KCNQ5: variants seen among roughly 807,000 people sequenced by gnomAD.
KCNQ5 encodes potassium voltage-gated channel subfamily KQT member 5.
In KCNQ5, 30 loss-of-function variants were observed where a neutral mutation model predicts 98.2. The ratio of observed to expected loss-of-function variants is 0.31; its 90% CI spans 0.23 to 0.41. The LOEUF is 0.41. Ranked by LOEUF, KCNQ5 falls within the 10% of genes least tolerant of loss-of-function variation. The pLI, the probability that KCNQ5 is intolerant of heterozygous loss-of-function variation, is 1.00. For synonymous variants in KCNQ5, 458 were observed against 449.4 expected (o/e 1.02, Z -0.24); for missense variants, 835 against 1,182.5 (o/e 0.71, Z 4.31).
intron 3 of KCNQ5, among the ~76,000 whole-genome samples, chr6:73,056,729 T>C (rs1302557859): frequency 2.6e-5 from 4 of 152,154 alleles, no homozygotes. Flanking sequence ...TAAATCCTTT[T>C]TCCAGATCAG....
At position 73,191,911 on chromosome 6, in the gene KCNQ5, T is replaced by A. The variant is rs116441656; in HGVS notation, c.1710-654T>A. 6.3e-3 allele frequency among the ~76,000 whole-genome samples: 953 copies of A among 152,328 alleles called. 15 individuals carry two copies. The highest frequency in any genetic ancestry group is 0.021 in the African/African-American group (865 of 41,570). ...AAAAAAAGAAGAAAGTGATTCTCAT[T>A]TAGGCTGGTCAAGTTCTCTTGGAAA... On this transcript the variant is annotated intron_variant, in intron 12 of 13. Coordinates refer to ENST00000370398, the MANE Select transcript of KCNQ5 (RefSeq NM_019842.4).
intron 1 of KCNQ5, among the ~76,000 whole-genome samples, chr6:72,690,783 A>G (rs1768180697): frequency 2.0e-5 from 3 of 151,740 alleles, no homozygotes; most frequent in Non-Finnish European, 4.4e-5. Flanking sequence ...GTGAAACTGT[A>G]TGTGTTCTTT....
At chr6:72,746,064 C>CAAAAAAAAAAAAAAA (rs59726566) in intron 1 of KCNQ5, among the ~76,000 whole-genome samples, 6 of 80,212 alleles carry the variant, frequency 7.5e-5, no homozygotes, top group African/African-American at 2.1e-4. Context: ...ACTCTATTTG[C>CAAAAAAAAAAAAAAA]AAAAAAAAAA....
At chr6:72,685,347 TA>T (rs1345069327) in intron 1 of KCNQ5, among the ~76,000 whole-genome samples, 1 of 152,218 alleles carries the variant, frequency 6.6e-6, no homozygotes, top group African/African-American at 2.4e-5. Flanking sequence ...AGTTTTTAGT[TA>T]ACAAAACTAT....
chr6:73,155,382 A>T (rs1475119768), intron 10 of KCNQ5, among the ~76,000 whole-genome samples: 1 of 152,224 alleles, frequency 6.6e-6, no homozygotes, highest in Non-Finnish European at 1.5e-5. Context: ...TTCAGCACCT[A>T]GAAATTACCA....
rs907710055 is a variant in KCNQ5 at position 73,120,391 on chromosome 6, CA to C, written c.1126-91del. The stretch of plus-strand genomic sequence containing the variant: ...TAAGTATAAGAGGCAAAAGATTCTT[CA>C]TGTGTAGTAACTTAATCATTTCTCT... On this transcript the variant is annotated intron_variant, in intron 7 of 13. Transcript: ENST00000370398. 3 of 855,042 alleles carry C rather than the reference CA, an allele frequency of 3.5e-6. No homozygotes were observed. The African/African-American group carries it at 5.1e-5, about 14-fold the overall frequency. 53.0% of individuals were successfully genotyped at this position (855,042 alleles called of 1,614,324 possible). A position where few individuals can be genotyped will look rare whatever the true frequency, so the allele number is the denominator to read the frequency against.
chr6:72,912,080 G>A (rs1412351083), intron 1 of KCNQ5, among the ~76,000 whole-genome samples: 19 of 152,116 alleles, frequency 1.2e-4, no homozygotes, highest in Non-Finnish European at 2.8e-4. Context: ...AAAAGTACAA[G>A]AGCAAGCAGA....
At chr6:73,067,902 ATAT>A (rs1773130676) in intron 3 of KCNQ5, among the ~76,000 whole-genome samples, 3 of 454 alleles carry the variant, frequency 6.6e-3, no homozygotes, top group African/African-American at 4.6e-3. Flanking sequence ...ATATATATAT[ATAT>A]AACTAAAATT....
chr6:73,084,390 T>TTAAA (rs1773899062), intron 5 of KCNQ5, among the ~76,000 whole-genome samples: 1 of 152,214 alleles, frequency 6.6e-6, no homozygotes, highest in African/African-American at 2.4e-5. Flanking sequence ...AATCCATTTT[T>TTAAA]TCCAAAATCA....
At chr6:73,136,896 A>T (rs1582425328) in intron 10 of KCNQ5, 1 of 152,184 alleles carries the variant, frequency 6.6e-6, no homozygotes, top group Non-Finnish European at 1.5e-5. Flanking sequence ...CAATTATTCC[A>T]GGTCTATTTG....
At chr6:72,934,460 G>A (rs1396816717) in intron 1 of KCNQ5, among the ~76,000 whole-genome samples, 1 of 152,178 alleles carries the variant, frequency 6.6e-6, no homozygotes, top group Admixed American at 6.5e-5. Flanking sequence ...ACATTTATAA[G>A]TGTAGCTCAA....
chr6:72,686,550 A>G (rs1767959958), intron 1 of KCNQ5, among the ~76,000 whole-genome samples: 1 of 152,032 alleles, frequency 6.6e-6, no homozygotes. Flanking sequence ...TTTTTCTTTG[A>G]TATAAGCTGT....
At chr6:72,633,854 C>T (rs1264981700) in intron 1 of KCNQ5, among the ~76,000 whole-genome samples, 1 of 152,098 alleles carries the variant, frequency 6.6e-6, no homozygotes, top group Non-Finnish European at 1.5e-5. Flanking sequence ...TAAACTGGAC[C>T]CCTACCTTTC....
chr6:72,669,583 G>C (rs1766997084), intron 1 of KCNQ5, among the ~76,000 whole-genome samples: 1 of 152,124 alleles, frequency 6.6e-6, no homozygotes, highest in African/African-American at 2.4e-5. Context: ...GCCTGTGGTG[G>C]GAGTGGCAGT....
intron 1 of KCNQ5, among the ~76,000 whole-genome samples, chr6:72,850,964 T>C (rs1777228434): frequency 6.6e-6 from 1 of 151,956 alleles, no homozygotes; most frequent in South Asian, 2.1e-4. Context: ...GACTAACAGA[T>C]ACTCCTCGTG....
At chr6:72,823,490 A>C (rs1399831476) in intron 1 of KCNQ5, among the ~76,000 whole-genome samples, 1 of 152,208 alleles carries the variant, frequency 6.6e-6, no homozygotes, top group Non-Finnish European at 1.5e-5. Flanking sequence ...AAAAAATTCT[A>C]CCCAGTGACA....
chr6:72,665,204 C>T (rs1766740845), intron 1 of KCNQ5, among the ~76,000 whole-genome samples: 2 of 151,776 alleles, frequency 1.3e-5, no homozygotes, highest in African/African-American at 2.4e-5. Flanking sequence ...AAAAATTAGC[C>T]AGGCATGGTG....
At chr6:72,990,655 C>T (rs1232894322) in intron 1 of KCNQ5, among the ~76,000 whole-genome samples, 1 of 130,160 alleles carries the variant, frequency 7.7e-6, no homozygotes, top group African/African-American at 3.0e-5. Flanking sequence ...TTATTTCCTT[C>T]TTCTGCCTGA....
intron 1 of KCNQ5, among the ~76,000 whole-genome samples, chr6:72,861,684 G>A (rs1042426353): frequency 1.3e-5 from 2 of 152,070 alleles, no homozygotes; most frequent in African/African-American, 2.4e-5. Context: ...ATGGGACCCT[G>A]TACCAAATTG....
Sources: gnomAD v4.1 joint callset for allele counts (sites outside exome capture counted in the v4.1 genomes callset) on GRCh38, gnomAD v4.1.1 for gene constraint, MANE v1.5 for transcripts, NCBI Gene and HGNC (gene_info 2026-07-23, HGNC 2026-07-21) for gene names.